PSMD6: variants seen among roughly 807,000 people sequenced by gnomAD.
PSMD6 encodes proteasome 26S subunit, non-ATPase 6.
PSMD6 carries 7 observed loss-of-function variants against 44.9 expected under a neutral mutation model. The ratio of observed to expected loss-of-function variants is 0.16; its 90% CI spans 0.09 to 0.29. PSMD6 has a LOEUF of 0.29. Among genes scored for constraint, PSMD6 ranks in the 10% least tolerant of loss-of-function variants. The pLI is 1.00. For synonymous variants in PSMD6, 184 were observed against 172.7 expected, an observed-to-expected ratio of 1.07 and a Z score of -0.51; for missense variants, 420 against 482.6, an observed-to-expected ratio of 0.87 and a Z score of 1.21.
intron 5 of PSMD6, chr3:64,016,178 CT>C (rs2076041218): frequency 6.6e-6 from 1 of 151,862 alleles, no homozygotes; most frequent in Non-Finnish European, 1.5e-5. Flanking sequence ...CAGAGTGAGA[CT>C]CTGTCTCAAA....
At chr3:64,019,752 G>A (rs993874746) in intron 2 of PSMD6, 2 of 243,172 alleles carry the variant, frequency 8.2e-6, no homozygotes, top group Non-Finnish European at 1.5e-5. Flanking sequence ...TATATTCAAT[G>A]TTTTCTCTCA....
upstream of PSMD6, chr3:64,023,548 A>T: frequency 7.1e-7 from 1 of 1,409,828 alleles, no homozygotes. Context: ...CTCCGCCGGC[A>T]GCGTCCTCTG....
chr3:64,021,977 CA>C (rs1332710783), intron 2 of PSMD6, among the ~76,000 whole-genome samples: 1 of 152,196 alleles, frequency 6.6e-6, no homozygotes, highest in Non-Finnish European at 1.5e-5. Context: ...GTACTAAAGA[CA>C]CCAGAACCAG....
chr3:64,023,626 TC>T (rs1260203398), upstream of PSMD6: 2 of 1,417,700 alleles, frequency 1.4e-6, no homozygotes, highest in African/African-American at 2.9e-5. Flanking sequence ...CGGGGGCTTT[TC>T]CACCCTCAAG....
intron 5 of PSMD6, chr3:64,015,515 T>C (rs1176310203): frequency 6.6e-6 from 1 of 152,234 alleles, no homozygotes; most frequent in Non-Finnish European, 1.5e-5. Flanking sequence ...ACACTACCTG[T>C]TCAATTTGCT....
intron 3 of PSMD6, 51 bp downstream of exon 3, chr3:64,019,245 A>C: frequency 6.6e-7 from 1 of 1,524,332 alleles, no homozygotes; most frequent in Non-Finnish European, 9.0e-7. Context: ...TCAGCTTCTC[A>C]TTTGTAGCAT....
intron 6 of PSMD6, chr3:64,011,503 A>AG (rs2075950082): frequency 6.6e-6 from 1 of 152,290 alleles, no homozygotes; most frequent in South Asian, 2.1e-4. Flanking sequence ...TTTTTAAGGG[A>AG]GAAAAAAAGA....
chr3:64,021,811 CAAA>C (rs200884987), intron 2 of PSMD6, among the ~76,000 whole-genome samples: 3 of 95,898 alleles, frequency 3.1e-5, no homozygotes, highest in Admixed American at 2.4e-4. Flanking sequence ...AACTCCGTCT[CAAA>C]AAAAAAAAAA....
At chr3:64,011,120 T>TTTAAGTCATCATCTACTAGAA in intron 6 of PSMD6, 165 bp from the exon 7 acceptor site, 1 of 543,504 alleles carries the variant, frequency 1.8e-6, no homozygotes, top group Non-Finnish European at 3.2e-6. Flanking sequence ...TACTGCAGGC[T>TTTAAGTCATCATCTACTAGAA]TTAAGTCATC....
chr3:64,018,391 A>G, intron 5 of PSMD6: 1 of 419,772 alleles, frequency 2.4e-6, no homozygotes, highest in Non-Finnish European at 4.3e-6. Context: ...TGTAAAAATC[A>G]TTCTTACCTC....
intron 6 of PSMD6, chr3:64,012,318 T>C (rs2075970690): frequency 6.6e-6 from 1 of 152,158 alleles, no homozygotes. Flanking sequence ...AACACCTACA[T>C]GTGGGAGCCA....
Position 64,010,730 on chromosome 3 carries a change from T to C in PSMD6, c.1108A>G (p.Ile370Val), listed in dbSNP as rs1364399768. Residue 370 changes from isoleucine (I) to valine (V), a missense_variant, in exon 8 of 8, where the codon ATC becomes GTC. Transcript: ENST00000295901. ...DSKNWQYQETIKKGDLLLNRV... is the reference protein window; with the variant it reads ...DSKNWQYQETVKKGDLLLNRV... ...TTTAGTAGCAGATCTCCTTTCTTGA[T>C]AGTTTCTTGGTACTGCCAGTTCTTG... 5 of 1,611,290 alleles carry C rather than the reference T, an allele frequency of 3.1e-6. No homozygotes were observed. Among genetic ancestry groups the C allele is most frequent in the Admixed American group, 1.7e-5 (1 of 59,910 alleles).
intron 2 of PSMD6, 66 bp from the exon 3 acceptor site, chr3:64,019,507 TC>T: frequency 6.6e-7 from 1 of 1,509,756 alleles, no homozygotes; most frequent in Non-Finnish European, 9.0e-7. Flanking sequence ...CTATCAGCTG[TC>T]TGGGATTTTC....
chr3:64,012,483 A>AAGAC lies in PSMD6; in HGVS notation c.995+952_995+955dup, dbSNP rs1371608616. 3.3e-5 allele frequency: 5 copies of AAGAC among 152,284 alleles called. No individual in the cohort carries two copies. The East Asian group carries it at 5.8e-4, about 18-fold the overall frequency. The allele number at this position is 152,284 out of a possible 1,614,324, so 9.4% of individuals were successfully genotyped here. A position where few individuals can be genotyped will look rare whatever the true frequency, so the allele number is the denominator to read the frequency against. ...GCCACCTTACTCTATTTCTTATATA[A>AAGAC]AGACACTGCATAGGACCATGTAACT... On this transcript the variant is annotated intron_variant, in intron 6 of 7. Transcript: ENST00000295901.
intron 1 of PSMD6, 92 bp downstream of exon 1, chr3:64,023,183 C>G (rs1274637590): frequency 1.4e-6 from 2 of 1,458,834 alleles, no homozygotes; most frequent in Non-Finnish European, 9.0e-7. Context: ...TCAGAGGGGT[C>G]TGGAGCTCCA....
chr3:64,015,345 G>A (rs1235330087), intron 5 of PSMD6: 1 of 152,186 alleles, frequency 6.6e-6, no homozygotes, highest in Non-Finnish European at 1.5e-5. Context: ...AATAACAAGT[G>A]GGAAAGATAA....
In PSMD6 at chr3:64,023,486, G is replaced by T. The variant is rs2076167920; in HGVS notation, c.-67C>A. Reference sequence around the variant, plus strand: ...ACGACCGGCTGCGGCAGCGGAAGCGGGAGGAGTCGGCGAATACGCCCGGCC... The same window carrying T: ...ACGACCGGCTGCGGCAGCGGAAGCGTGAGGAGTCGGCGAATACGCCCGGCC... On this transcript the variant is annotated 5_prime_UTR_variant, in exon 1 of 8. Transcript: ENST00000295901. The T allele has an allele frequency of 2.0e-6, 3 of 1,485,920 alleles. No individual in the cohort carries two copies. Among genetic ancestry groups the T allele is most frequent in the Non-Finnish European group, 2.7e-6 (3 of 1,111,112 alleles). 92.0% of individuals were successfully genotyped at this position (1,485,920 alleles called of 1,614,324 possible). A position where few individuals can be genotyped will look rare whatever the true frequency, so the allele number is the denominator to read the frequency against.
intron 5 of PSMD6, chr3:64,014,881 T>C (rs764330159): frequency 6.6e-6 from 1 of 152,212 alleles, no homozygotes; most frequent in South Asian, 2.1e-4. Context: ...AAAGTGAAGA[T>C]AAGAAACAAG....
chr3:64,016,163 G>A (rs2076040695), intron 5 of PSMD6: 1 of 151,948 alleles, frequency 6.6e-6, no homozygotes, highest in Non-Finnish European at 1.5e-5. Flanking sequence ...CTCCAGCCTG[G>A]GCGACAGAGT....
Sources: allele counts gnomAD v4.1 joint callset (sites outside exome capture counted in the v4.1 genomes callset), GRCh38; gene constraint gnomAD v4.1.1; transcripts MANE v1.5; gene names NCBI Gene and HGNC (gene_info 2026-07-23, HGNC 2026-07-21).